The following SLC25A30 variants were observed in gnomAD, a reference collection of about 807,000 sequenced individuals.
The protein encoded by SLC25A30 is kidney mitochondrial carrier protein 1.
A neutral mutation model predicts 42.7 loss-of-function variants in SLC25A30; 29 were observed. The ratio of observed to expected loss-of-function variants is 0.68; its 90% CI spans 0.51 to 0.93. SLC25A30 has a LOEUF of 0.93. SLC25A30 is among the 40% of genes least tolerant of loss of function. The pLI is 0.00. For missense variants in SLC25A30, 300 were observed against 359.7 expected (o/e 0.83, Z 1.34); for synonymous variants, 124 against 131.0 (o/e 0.95, Z 0.37).
At chr13:45,409,588 C>T (rs1882828890) in intron 2 of SLC25A30, among the ~76,000 whole-genome samples, 1 of 152,100 alleles carries the variant, frequency 6.6e-6, no homozygotes, top group Non-Finnish European at 1.5e-5. Context: ...GTGGGCGGAT[C>T]ACCTGAGGTT....
chr13:45,402,407 CTA>C (rs1262573222), intron 5 of SLC25A30, 37 bp from the exon 6 acceptor site: 1 of 1,538,104 alleles, frequency 6.5e-7, no homozygotes, highest in Non-Finnish European at 9.0e-7. Context: ...CAGAAAGAAA[CTA>C]CCACAATCCC....
chr13:45,421,305 G>A (rs566970675), upstream of SLC25A30, among the ~76,000 whole-genome samples: 1 of 149,672 alleles, frequency 6.7e-6, no homozygotes, highest in African/African-American at 2.5e-5. Context: ...CTGGAACCTG[G>A]GAAGCAGAGG....
At chr13:45,428,737 G>T in the SLC25A30 span, among the ~76,000 whole-genome samples, 1 of 151,174 alleles carries the variant, frequency 6.6e-6, no homozygotes, top group East Asian at 1.9e-4. Context: ...TGGTCAGGCT[G>T]GTCTTGAACT....
chr13:45,406,306 C>A (rs7992996), intron 3 of SLC25A30, among the ~76,000 whole-genome samples: 13,861 of 152,160 alleles, frequency 0.091, 717 homozygotes, highest in Middle Eastern at 0.15. Context: ...TGGTCTTGAA[C>A]TCCTGACCTC....
At chr13:45,421,844 C>A (rs1369569096), upstream of SLC25A30, among the ~76,000 whole-genome samples, 1 of 152,198 alleles carries the variant, frequency 6.6e-6, no homozygotes, top group East Asian at 1.9e-4. Context: ...GTCCTTAGAG[C>A]CCTCCAGCCA....
intron 9 of SLC25A30, 22 bp from the exon 10 acceptor site, chr13:45,396,037 G>A (rs765394884): frequency 1.2e-6 from 2 of 1,614,034 alleles, no homozygotes; most frequent in Admixed American, 3.3e-5. Flanking sequence ...GGTTAAGGAT[G>A]ACACAGAAAA....
chr13:45,406,111 T>A (rs1364447179), intron 3 of SLC25A30, 134 bp from the exon 4 acceptor site: 4 of 688,240 alleles, frequency 5.8e-6, no homozygotes, highest in African/African-American at 1.8e-5. Flanking sequence ...GAGACGGAGT[T>A]TCGCTCTGTC....
chr13:45,417,289 G>A (rs1278436452), intron 1 of SLC25A30, among the ~76,000 whole-genome samples: 1 of 152,154 alleles, frequency 6.6e-6, no homozygotes, highest in African/African-American at 2.4e-5. Flanking sequence ...GGGATTACAG[G>A]CCTGAGCCAC....
At chr13:45,425,287 T>C in the SLC25A30 span, among the ~76,000 whole-genome samples, 2 of 98,948 alleles carry the variant, frequency 2.0e-5, no homozygotes, top group African/African-American at 9.3e-5. Flanking sequence ...TAAATATATG[T>C]ACGTATATAT....
chr13:45,393,454 T>C lies in SLC25A30; in HGVS notation c.*2520A>G, dbSNP rs1881097401. On this transcript the variant is annotated 3_prime_UTR_variant, in exon 10 of 10. Coordinates refer to ENST00000519676, the MANE Select transcript of SLC25A30 (RefSeq NM_001010875.4). ...CATACTCTTTATATAATGCATACTA[T>C]TTCTAGCACATGAATAAATATAAAG... The C allele has an allele frequency of 3.0e-6, 3 of 983,720 alleles. No homozygotes were observed. Among genetic ancestry groups the C allele is most frequent in the African/African-American group, 3.5e-5 (2 of 57,222 alleles). The allele number at this position is 983,720 out of a possible 1,614,324, so 60.9% of individuals were successfully genotyped here.
chr13:45,424,782 A>T, the SLC25A30 span, among the ~76,000 whole-genome samples: 5 of 63,182 alleles, frequency 7.9e-5, no homozygotes, highest in Middle Eastern at 0.02. Flanking sequence ...ATATATATAA[A>T]TATATAAAAG....
At chr13:45,419,149 A>AAAAG (rs1566218472), upstream of SLC25A30, among the ~76,000 whole-genome samples, 5 of 143,150 alleles carry the variant, frequency 3.5e-5, no homozygotes, top group Non-Finnish European at 6.1e-5. Context: ...AAAAAAAAAA[A>AAAAG]AAGAAAGAAA....
the SLC25A30 span, among the ~76,000 whole-genome samples, chr13:45,429,537 A>G: frequency 6.6e-6 from 1 of 152,090 alleles, no homozygotes; most frequent in Non-Finnish European, 1.5e-5. Context: ...ACTGAAAAGA[A>G]TTCTCATGAC....
At chr13:45,425,268 GTA>G in the SLC25A30 span, among the ~76,000 whole-genome samples, 1 of 97,516 alleles carries the variant, frequency 1.0e-5, no homozygotes, top group African/African-American at 4.3e-5. Flanking sequence ...GTATATATAC[GTA>G]TACATATAAA....
chr13:45,424,694 TAA>T, the SLC25A30 span, among the ~76,000 whole-genome samples: 8 of 69,582 alleles, frequency 1.1e-4, no homozygotes, highest in African/African-American at 3.2e-4. Flanking sequence ...TAGATATATA[TAA>T]AGATATATAA....
chr13:45,400,409 G>A (rs1195852428), intron 7 of SLC25A30, among the ~76,000 whole-genome samples: 14 of 152,128 alleles, frequency 9.2e-5, no homozygotes, highest in African/African-American at 3.4e-4. Flanking sequence ...GTAACAGTGA[G>A]ACCCCGTCTC....
Position 45,406,047 on chromosome 13 carries a change from T to G in SLC25A30, c.213-70A>C, listed in dbSNP as rs931703742. 2.2e-6 allele frequency: 3 copies of G among 1,371,468 alleles called. No homozygotes were observed. The African/African-American group carries it at 4.3e-5, about 20-fold the overall frequency. The allele number at this position is 1,371,468 out of a possible 1,614,324, so 85.0% of individuals were successfully genotyped here. A position where few individuals can be genotyped will look rare whatever the true frequency, so the allele number is the denominator to read the frequency against. On this transcript the variant is annotated intron_variant, in intron 3 of 9. Coordinates refer to ENST00000519676, the MANE Select transcript of SLC25A30 (RefSeq NM_001010875.4). ...CTTAACATCGGCTAGGCAACCCACA[T>G]GCAGAGTGCCATCCATAATCAAACT... is the stretch of plus-strand genomic sequence containing the variant.
At chr13:45,401,656 T>C (rs1249051064) in intron 6 of SLC25A30, among the ~76,000 whole-genome samples, 1 of 149,336 alleles carries the variant, frequency 6.7e-6, no homozygotes, top group Non-Finnish European at 1.5e-5. Context: ...AAAATCCTTC[T>C]CCATAAGAAT....
chr13:45,396,834 C>G (rs1028547063), intron 9 of SLC25A30: 1 of 164,746 alleles, frequency 6.1e-6, no homozygotes, highest in Non-Finnish European at 1.3e-5. Flanking sequence ...ACATAGGAAG[C>G]GTGCTGGCCT....
Sources: gnomAD v4.1 joint callset for allele counts (sites outside exome capture counted in the v4.1 genomes callset) on GRCh38, gnomAD v4.1.1 for gene constraint, MANE v1.5 for transcripts, NCBI Gene and HGNC (gene_info 2026-07-23, HGNC 2026-07-21) for gene names.